Variants in RAB12 observed in about 807,000 individuals in gnomAD.
The protein encoded by RAB12 is ras-related protein Rab-12.
Under a neutral mutation model 28.4 loss-of-function variants are expected in RAB12, and 11 were observed. That is an observed-to-expected ratio of 0.39 (90% CI 0.24 to 0.64). The LOEUF (loss-of-function observed/expected upper bound fraction) is 0.64. Among genes scored for constraint, RAB12 ranks in the 30% least tolerant of loss-of-function variants. RAB12 has a pLI of 0.50. For synonymous variants in RAB12, 138 were observed against 145.3 expected (o/e 0.95, Z 0.36); for missense variants, 276 against 351.1 (o/e 0.79, Z 1.71).
intron 1 of RAB12, among the ~76,000 whole-genome samples, chr18:8,611,998 G>C (rs1357410025): frequency 6.6e-6 from 1 of 152,220 alleles, no homozygotes; most frequent in African/African-American, 2.4e-5. Context: ...GAGAACGCCA[G>C]CCAGCTCCAC....
chr18:8,632,851 ACAT>A (rs1484579863), intron 2 of RAB12: 4 of 233,538 alleles, frequency 1.7e-5, no homozygotes, highest in Middle Eastern at 1.4e-3. Context: ...TTTTAGGAAA[ACAT>A]CATATATTTT....
In RAB12 at chr18:8,638,223, A is replaced by C. The variant is rs778721570; in HGVS notation, c.984A>C (p.Pro328=). Residue 328 remains proline (P), a synonymous_variant, in exon 6 of 6, where the codon CCA becomes CCC. Coordinates refer to ENST00000649141, the MANE Select transcript of RAB12 (RefSeq NM_001025300.3). ...LSLQPEPEIP[P]ELPPPRPHVR... ...TACAACCAGAGCCTGAGATACCGCC[A>C]GAACTGCCTCCACCAAGACCACATG... The C allele has an allele frequency of 1.2e-6, 2 of 1,614,024 alleles. No homozygotes were observed. Among genetic ancestry groups the C allele is most frequent in the South Asian group, 2.2e-5 (2 of 91,066 alleles).
Position 8,636,299 on chromosome 18 carries a change from A to G in RAB12, c.851A>G (p.Lys284Arg). The G allele has an allele frequency of 6.2e-7, 1 of 1,613,880 alleles. No homozygotes were observed. Among genetic ancestry groups the G allele is most frequent in the Non-Finnish European group, 8.5e-7 (1 of 1,179,824 alleles). Residue 284 changes from lysine to arginine, a missense_variant, in exon 5 of 6, where the codon AAG (lysine) becomes AGG (arginine). Physicochemically the swap from Lys to Arg is conservative, Grantham distance 26. Coordinates refer to ENST00000649141, the MANE Select transcript of RAB12 (RefSeq NM_001025300.3). Reference protein sequence around the residue: ...TGMRFCEASAKDNFNVDEIFL... With the variant: ...TGMRFCEASARDNFNVDEIFL... ...ATGCGGTTCTGTGAAGCAAGTGCCA[A>G]GGATAACTTCAATGTGGACGAGATA...
intron 3 of RAB12, 107 bp downstream of exon 3, chr18:8,633,434 C>T (rs2096017073): frequency 3.1e-6 from 4 of 1,292,988 alleles, no homozygotes; most frequent in African/African-American, 1.5e-5. Context: ...TTCATATAGA[C>T]TAAACATCAT....
At chr18:8,614,185 C>T (rs1299945934) in intron 1 of RAB12, among the ~76,000 whole-genome samples, 1 of 152,116 alleles carries the variant, frequency 6.6e-6, no homozygotes, top group African/African-American at 2.4e-5. Context: ...CTTGTTACAG[C>T]CCTGTGAAGA....
chr18:8,625,469 A>C (rs1229788860), intron 2 of RAB12, among the ~76,000 whole-genome samples: 1 of 151,804 alleles, frequency 6.6e-6, no homozygotes, highest in East Asian at 1.9e-4. Flanking sequence ...GGGTGGGCAT[A>C]CTCCTTCCGG....
chr18:8,613,710 T>C (rs1478491005), intron 1 of RAB12, among the ~76,000 whole-genome samples: 1 of 152,186 alleles, frequency 6.6e-6, no homozygotes, highest in East Asian at 1.9e-4. Context: ...TCCAACAGCA[T>C]TGCATGCTGG....
chr18:8,627,232 A>G (rs1003451321), intron 2 of RAB12, among the ~76,000 whole-genome samples: 11 of 152,144 alleles, frequency 7.2e-5, no homozygotes, highest in African/African-American at 2.7e-4. Flanking sequence ...ACTCTCATCC[A>G]TTGAGGGCAT....
chr18:8,610,375 A>G (rs888783485), intron 1 of RAB12, among the ~76,000 whole-genome samples: 1 of 152,254 alleles, frequency 6.6e-6, no homozygotes, highest in Non-Finnish European at 1.5e-5. Context: ...TCCCTGCGCA[A>G]CCAGGGCAGT....
intron 1 of RAB12, among the ~76,000 whole-genome samples, chr18:8,620,515 C>T (rs1201253236): frequency 6.6e-6 from 1 of 151,930 alleles, no homozygotes; most frequent in East Asian, 1.9e-4. Context: ...GTCCTGGGCA[C>T]CCCTGCGTTC....
chr18:8,627,569 A>G (rs142738586), intron 2 of RAB12, among the ~76,000 whole-genome samples: 220 of 152,342 alleles, frequency 1.4e-3, no homozygotes, highest in African/African-American at 5.2e-3. Flanking sequence ...TGAATGTTAG[A>G]ACTTTATGTA....
chr18:8,626,650 C>T (rs1162762299), intron 2 of RAB12, among the ~76,000 whole-genome samples: 1 of 152,234 alleles, frequency 6.6e-6, no homozygotes, highest in African/African-American at 2.4e-5. Context: ...GAGGGCCCTA[C>T]CTGATGGAAT....
intron 1 of RAB12, among the ~76,000 whole-genome samples, chr18:8,610,582 G>A (rs1478093634): frequency 1.3e-5 from 2 of 152,222 alleles, no homozygotes; most frequent in Non-Finnish European, 2.9e-5. Flanking sequence ...GCTGTTTTCG[G>A]TGAGGGACAG....
At chr18:8,629,786 G>T (rs1377095928) in intron 2 of RAB12, among the ~76,000 whole-genome samples, 3 of 152,172 alleles carry the variant, frequency 2.0e-5, no homozygotes, top group Non-Finnish European at 4.4e-5. Context: ...CAGTCCCACA[G>T]GTGCCTAAGG....
At chr18:8,623,144 A>C (rs1040056476) in intron 1 of RAB12, among the ~76,000 whole-genome samples, 3 of 152,240 alleles carry the variant, frequency 2.0e-5, no homozygotes, top group African/African-American at 7.2e-5. Context: ...CAGGATTAAG[A>C]GATTAAAGTA....
At chr18:8,616,199 G>C (rs1466473083) in intron 1 of RAB12, among the ~76,000 whole-genome samples, 1 of 152,110 alleles carries the variant, frequency 6.6e-6, no homozygotes, top group African/African-American at 2.4e-5. Flanking sequence ...CCTTTTCAGA[G>C]AGGAGGTGAG....
chr18:8,615,385 CTG>C (rs1322732387), intron 1 of RAB12, among the ~76,000 whole-genome samples: 3 of 152,184 alleles, frequency 2.0e-5, no homozygotes, highest in African/African-American at 7.2e-5. Flanking sequence ...AAATGCTTAA[CTG>C]TGTATTTTAT....
At chr18:8,635,447 GA>G in intron 3 of RAB12, 85 bp from the exon 4 acceptor site, 1 of 1,013,812 alleles carries the variant, frequency 9.9e-7, no homozygotes. Flanking sequence ...GTAAATTAGC[GA>G]AAAATACTGT....
chr18:8,622,734 T>A (rs1357942790), intron 1 of RAB12, among the ~76,000 whole-genome samples: 2 of 152,174 alleles, frequency 1.3e-5, no homozygotes, highest in African/African-American at 2.4e-5. Context: ...TTCCTCTTCC[T>A]AATAAGCCTG....
Sources: gnomAD v4.1 joint callset for allele counts (sites outside exome capture counted in the v4.1 genomes callset) on GRCh38, gnomAD v4.1.1 for gene constraint, MANE v1.5 for transcripts, NCBI Gene and HGNC (gene_info 2026-07-23, HGNC 2026-07-21) for gene names.